The following MYO6 variants were observed in gnomAD, a reference collection of about 807,000 sequenced individuals.
The protein encoded by MYO6 is unconventional myosin-VI.
In MYO6, 74 loss-of-function variants were observed where a neutral mutation model predicts 178.7. That is an observed-to-expected ratio of 0.41 (90% CI 0.34 to 0.50). The LOEUF is 0.50. Among genes scored for constraint, MYO6 ranks in the 20% least tolerant of loss-of-function variants. The probability of loss-of-function intolerance (pLI) is 0.09; values close to 1 mark genes in which losing one functional copy is unlikely to be tolerated. For missense variants in MYO6, 1,330 were observed against 1,547.4 expected (o/e 0.86, Z 2.36); for synonymous variants, 477 against 504.6 (o/e 0.95, Z 0.73).
chr6:75,821,157 T>G (rs1419601937), intron 2 of MYO6, among the ~76,000 whole-genome samples: 1 of 152,154 alleles, frequency 6.6e-6, no homozygotes, highest in East Asian at 1.9e-4. Context: ...AGCCTGCTCT[T>G]AACTTTCTCA....
At chr6:75,838,812 C>T (rs1288560019) in intron 7 of MYO6, among the ~76,000 whole-genome samples, 1 of 151,900 alleles carries the variant, frequency 6.6e-6, no homozygotes, top group Admixed American at 6.6e-5. Context: ...CAGGTGCCCA[C>T]CACCATGCCT....
At chr6:75,872,000 G>A (rs555991056) in intron 19 of MYO6, among the ~76,000 whole-genome samples, 6 of 152,070 alleles carry the variant, frequency 3.9e-5, no homozygotes, top group South Asian at 2.1e-4. Flanking sequence ...ATGGTGGGGC[G>A]CACTTGTAAT....
At chr6:75,774,779 AATT>A (rs906955292) in intron 1 of MYO6, among the ~76,000 whole-genome samples, 13 of 151,676 alleles carry the variant, frequency 8.6e-5, no homozygotes, top group South Asian at 6.2e-4. Context: ...TTTATTGAGA[AATT>A]ATTATTATTA....
chr6:75,872,256 G>A (rs1777217275), intron 19 of MYO6, among the ~76,000 whole-genome samples: 1 of 152,186 alleles, frequency 6.6e-6, no homozygotes, highest in Non-Finnish European at 1.5e-5. Flanking sequence ...ATGTCTATTA[G>A]CTTCAGTACT....
chr6:75,811,320 G>A (rs1407405203), intron 1 of MYO6, among the ~76,000 whole-genome samples: 1 of 152,128 alleles, frequency 6.6e-6, no homozygotes, highest in Non-Finnish European at 1.5e-5. Context: ...TCGAATTCAT[G>A]CCTTGAAATT....
At chr6:75,911,577 C>T (rs1271435088) in intron 32 of MYO6, 95 bp from the exon 33 acceptor site, 1 of 1,062,076 alleles carries the variant, frequency 9.4e-7, no homozygotes, top group Admixed American at 1.8e-5. Context: ...TTTTCAGTCA[C>T]CACCTCGATT....
intron 4 of MYO6, among the ~76,000 whole-genome samples, chr6:75,829,927 G>T (rs1437329280): frequency 2.0e-5 from 3 of 152,156 alleles, no homozygotes; most frequent in Non-Finnish European, 4.4e-5. Flanking sequence ...GGCCCAGAAG[G>T]TGCTACGAGC....
intron 19 of MYO6, among the ~76,000 whole-genome samples, chr6:75,871,328 C>G (rs113124972): frequency 0.019 from 2,900 of 152,326 alleles, 40 homozygotes; most frequent in Non-Finnish European, 0.03. Context: ...CAACTCGCTG[C>G]AACCTCCGCC....
Position 75,907,780 on chromosome 6 carries a change from A to AGGTGTGTGTGTGTATGTGTGTGTG in MYO6, c.3280+73_3280+96dup, listed in dbSNP as rs538440211. On this transcript the variant is annotated intron_variant, in intron 31 of 34. Transcript: ENST00000369977. ...GGTGATAAATACCTAGATTAGGGTG[A>AGGTGTGTGTGTGTATGTGTGTGTG]GGTGTGTGTGTGTATGTGTGTGTGT... 541 of 1,071,214 alleles carry AGGTGTGTGTGTGTATGTGTGTGTG rather than the reference A, an allele frequency of 5.1e-4. 2 individuals carry two copies. The African/African-American group carries it at 7.6e-3, about 15-fold the overall frequency. The allele number at this position is 1,071,214 out of a possible 1,614,324, so 66.4% of individuals were successfully genotyped here. A position where few individuals can be genotyped will look rare whatever the true frequency, so the allele number is the denominator to read the frequency against.
intron 18 of MYO6, among the ~76,000 whole-genome samples, chr6:75,869,070 ATTTTTTTTTTTTTTT>A (rs71544072): frequency 2.7e-4 from 16 of 59,904 alleles, no homozygotes; most frequent in African/African-American, 8.6e-4. Flanking sequence ...CTTTATCTCC[ATTTTTTTTTTTTTTT>A]TTTTTTTTTT....
intron 1 of MYO6, among the ~76,000 whole-genome samples, chr6:75,751,985 TTTA>T (rs1311327475): frequency 6.6e-6 from 1 of 151,678 alleles, no homozygotes; most frequent in East Asian, 1.9e-4. Context: ...AATCTCAGAG[TTTA>T]TTTATTCTTT....
chr6:75,763,061 C>T (rs1778089964), intron 1 of MYO6, among the ~76,000 whole-genome samples: 1 of 147,864 alleles, frequency 6.8e-6, no homozygotes, highest in African/African-American at 2.5e-5. Flanking sequence ...GAGTCTCACT[C>T]TGTTGCCCAG....
rs1378492663 is a variant in MYO6 at position 75,840,602 on chromosome 6, G to C, written c.571G>C (p.Ala191Pro). Reference sequence around the variant, plus strand: ...CTCAATAGCTAACCCACTCCTAGAAGCCTTTGGAAATGCGAAGACTGTTCG... The same window carrying C: ...CTCAATAGCTAACCCACTCCTAGAACCCTTTGGAAATGCGAAGACTGTTCG... The part of the protein sequence containing the change: ...RIVEANPLLE[A>P]FGNAKTVRNN... The change falls in exon 8 of 35, where the codon GCC (alanine) becomes CCC (proline). Residue 191 changes from alanine (A) to proline (P), a missense_variant. Physicochemically the swap from Ala to Pro is conservative, Grantham distance 27. Transcript: ENST00000369977. 6.2e-7 allele frequency: 1 copy of C among 1,613,764 alleles called. No homozygotes were observed. Among genetic ancestry groups the C allele is most frequent in the Middle Eastern group, 1.7e-4 (1 of 6,058 alleles).
chr6:75,754,654 C>T (rs1472628067), intron 1 of MYO6, among the ~76,000 whole-genome samples: 1 of 151,646 alleles, frequency 6.6e-6, no homozygotes, highest in Middle Eastern at 3.5e-3. Flanking sequence ...TTACTGAGGG[C>T]CCACTGTGTT....
intron 14 of MYO6, among the ~76,000 whole-genome samples, chr6:75,859,955 C>T (rs867627111): frequency 3.9e-5 from 6 of 152,164 alleles, no homozygotes; most frequent in African/African-American, 1.4e-4. Flanking sequence ...CCATCATGCC[C>T]GACTGTAGCT....
intron 1 of MYO6, among the ~76,000 whole-genome samples, chr6:75,806,387 C>CA (rs35917621): frequency 0.026 from 3,225 of 123,768 alleles, 59 homozygotes; most frequent in East Asian, 0.11. Context: ...GACTCTGTCT[C>CA]AAAAAAAAAA....
chr6:75,850,767 T>A (rs934582334), intron 11 of MYO6, among the ~76,000 whole-genome samples: 2 of 152,212 alleles, frequency 1.3e-5, no homozygotes, highest in Non-Finnish European at 2.9e-5. Context: ...TACCTCATGT[T>A]GTAAAGAGGA....
rs1262322524 is a variant in MYO6, at chr6:75,841,216, C to G, written c.654C>G (p.Ser218Arg). 6.2e-7 allele frequency: 1 copy of G among 1,613,344 alleles called. No homozygotes were observed. The highest frequency in any genetic ancestry group is 2.2e-5 in the East Asian group (1 of 44,850). ...KFVEIHFNEK[S>R]SVVGGFVSHY... ...TTTCTCTGTGTTTTGTTTTTTAGAG[C>G]TCAGTTGTTGGAGGATTTGTTTCAC... Residue 218 changes from serine to arginine, a missense_variant and splice_region_variant, in exon 9 of 35, where the codon AGC becomes AGG. Coordinates refer to ENST00000369977, the MANE Select transcript of MYO6 (RefSeq NM_004999.4).
chr6:75,905,001 C>G (rs1461982595), intron 30 of MYO6, among the ~76,000 whole-genome samples: 5 of 152,292 alleles, frequency 3.3e-5, no homozygotes, highest in African/African-American at 1.2e-4. Flanking sequence ...AGGTGTCAGT[C>G]TGCCCCTGCT....
Sources: gnomAD v4.1 joint callset for allele counts (sites outside exome capture counted in the v4.1 genomes callset) on GRCh38, gnomAD v4.1.1 for gene constraint, MANE v1.5 for transcripts, NCBI Gene and HGNC (gene_info 2026-07-23, HGNC 2026-07-21) for gene names.